Variants in DPP10 observed in about 807,000 individuals in gnomAD.
DPP10 encodes the protein dipeptidyl peptidase like 10, also known as inactive dipeptidyl peptidase 10.
In DPP10, 33 loss-of-function variants were observed where a neutral mutation model predicts 120.9. The observed-to-expected ratio is 0.27, with a 90% CI of 0.21 to 0.37. DPP10 has a LOEUF of 0.37. DPP10 is among the 10% of genes least tolerant of loss of function. The pLI is 1.00. For missense variants in DPP10, 816 were observed against 942.8 expected, an observed-to-expected ratio of 0.87 and a Z score of 1.76; for synonymous variants, 337 against 326.1, an observed-to-expected ratio of 1.03 and a Z score of -0.36.
At chr2:114,563,395 C>T (rs952467401) in intron 1 of DPP10, among the ~76,000 whole-genome samples, 21 of 151,590 alleles carry the variant, frequency 1.4e-4, no homozygotes, top group Non-Finnish European at 2.9e-4. Flanking sequence ...AATTCCAAAA[C>T]TTTCAGTGAA....
At chr2:115,318,551 A>G (rs184003181) in intron 2 of DPP10, among the ~76,000 whole-genome samples, 7 of 152,210 alleles carry the variant, frequency 4.6e-5, no homozygotes, top group South Asian at 4.1e-4. Context: ...CCAACTCATA[A>G]ATATGGAATG....
chr2:115,359,443 G>A (rs2064624092), intron 3 of DPP10, among the ~76,000 whole-genome samples: 1 of 152,074 alleles, frequency 6.6e-6, no homozygotes, highest in Non-Finnish European at 1.5e-5. Flanking sequence ...TATGAAAATA[G>A]ACCTACAATC....
chr2:115,804,264 C>G (rs1388264052), intron 19 of DPP10, among the ~76,000 whole-genome samples: 1 of 152,162 alleles, frequency 6.6e-6, no homozygotes, highest in African/African-American at 2.4e-5. Context: ...GTTCTCGTGC[C>G]TTGGTTTTCA....
chr2:114,530,151 A>G (rs1270898872), intron 1 of DPP10, among the ~76,000 whole-genome samples: 1 of 152,138 alleles, frequency 6.6e-6, no homozygotes, highest in African/African-American at 2.4e-5. Context: ...AACACCTTAT[A>G]TCTTTGCTCC....
chr2:115,834,515 T>TC (rs1689251114), intron 21 of DPP10, among the ~76,000 whole-genome samples: 1 of 151,984 alleles, frequency 6.6e-6, no homozygotes, highest in Non-Finnish European at 1.5e-5. Context: ...TTTTTTTTTT[T>TC]CAGCATTACT....
At chr2:115,263,608 AG>A (rs35698944) in intron 1 of DPP10, among the ~76,000 whole-genome samples, 68,012 of 151,996 alleles carry the variant, frequency 0.45, 16,112 homozygotes, top group Non-Finnish European at 0.54. Context: ...AGGCTTTTCC[AG>A]GGATACATTT....
At chr2:115,321,066 G>T (rs1559417036) in intron 2 of DPP10, among the ~76,000 whole-genome samples, 1 of 152,180 alleles carries the variant, frequency 6.6e-6, no homozygotes, top group Non-Finnish European at 1.5e-5. Context: ...TTGGGAGGCT[G>T]AGGTGGGAGG....
At chr2:115,369,431 TC>T (rs1270713891) in intron 3 of DPP10, among the ~76,000 whole-genome samples, 1 of 152,100 alleles carries the variant, frequency 6.6e-6, no homozygotes, top group Non-Finnish European at 1.5e-5. Context: ...GCCTTATTTT[TC>T]CTTTGTAGTT....
intron 5 of DPP10, among the ~76,000 whole-genome samples, chr2:115,603,567 T>TTTA (rs1214150226): frequency 1.0e-5 from 1 of 95,886 alleles, no homozygotes; most frequent in African/African-American, 7.5e-5. Context: ...GTTGTTTTTT[T>TTTA]TTGTTTTTTT....
chr2:115,492,073 CAATA>C lies in DPP10; in HGVS notation c.272-7427_272-7424del, dbSNP rs1370381129. Among the ~76,000 whole-genome samples, 3 of 152,058 alleles carry C rather than the reference CAATA, an allele frequency of 2.0e-5. 1 individual carries two copies. In the East Asian group the frequency reaches 5.8e-4, roughly 30 times the overall value. On this transcript the variant is annotated intron_variant, in intron 3 of 25. Transcript: ENST00000410059. ...TTCTAAATAACGTCACAACAGCAAT[CAATA>C]AATAAATAAGTACATATATATATAT... is the stretch of plus-strand genomic sequence containing the variant.
chr2:115,654,692 A>G (rs890580667), intron 5 of DPP10, among the ~76,000 whole-genome samples: 2 of 151,860 alleles, frequency 1.3e-5, no homozygotes, highest in African/African-American at 4.8e-5. Flanking sequence ...TTTTTAAATG[A>G]ATTTCTTATA....
intron 1 of DPP10, chr2:115,065,703 A>C (rs959378842): frequency 6.6e-6 from 1 of 151,388 alleles, no homozygotes; most frequent in African/African-American, 2.4e-5. Flanking sequence ...CCTCTATCCT[A>C]CTTTGTTCTT....
chr2:115,158,198 G>A (rs956223787), intron 1 of DPP10, among the ~76,000 whole-genome samples: 3 of 152,128 alleles, frequency 2.0e-5, no homozygotes, highest in Non-Finnish European at 2.9e-5. Context: ...ACCTATGTAT[G>A]TATAGAACAA....
At chr2:115,405,015 T>C (rs1198446966) in intron 3 of DPP10, among the ~76,000 whole-genome samples, 4 of 152,236 alleles carry the variant, frequency 2.6e-5, no homozygotes, top group Admixed American at 6.5e-5. Flanking sequence ...CCCCTATAAC[T>C]CATGTACTCA....
rs1285635991 is a variant in DPP10, at chr2:115,151,686, C to A, written c.61-157553C>A. Among the ~76,000 whole-genome samples, 3 of 150,554 alleles carry A rather than the reference C, an allele frequency of 2.0e-5. No individual in the cohort carries two copies. In the East Asian group the frequency reaches 5.8e-4, roughly 29 times the overall value. ...CTTCCCAAAGTACTGGGATTACAGG[C>A]GTGAGCCACCGCGCCCAGTCAGTAT... On this transcript the variant is annotated intron_variant, in intron 1 of 25. Coordinates refer to ENST00000410059, the MANE Select transcript of DPP10 (RefSeq NM_020868.6).
rs142021954 is a variant in DPP10 at position 114,752,852 on chromosome 2, G to T, written c.60+310014G>T. 5.3e-5 allele frequency among the ~76,000 whole-genome samples: 8 copies of T among 152,344 alleles called. 1 individual carries two copies. Among genetic ancestry groups the T allele is most frequent in the African/African-American group, 1.9e-4 (8 of 41,576 alleles). ...AGGAAAGTAAAATCATAGGTTTGCT[G>T]ATGAAGCTGAAATGGGGAAATATGG... On this transcript the variant is annotated intron_variant, in intron 1 of 25. Transcript: ENST00000410059.
intron 1 of DPP10, among the ~76,000 whole-genome samples, chr2:114,708,867 G>A (rs1700846643): frequency 2.0e-5 from 3 of 151,994 alleles, no homozygotes; most frequent in Non-Finnish European, 2.9e-5. Context: ...GCGATTCTCC[G>A]GCCTCAGCCT....
At chr2:115,581,501 C>G (rs1390060087) in intron 5 of DPP10, among the ~76,000 whole-genome samples, 1 of 152,042 alleles carries the variant, frequency 6.6e-6, no homozygotes, top group Non-Finnish European at 1.5e-5. Context: ...TGATTTTTCA[C>G]CAACAATTTT....
intron 3 of DPP10, among the ~76,000 whole-genome samples, chr2:115,398,525 T>C (rs973772980): frequency 6.6e-6 from 1 of 152,098 alleles, no homozygotes; most frequent in Non-Finnish European, 1.5e-5. Flanking sequence ...AATGTGTTTT[T>C]CACATAGGGT....
Sources: gnomAD v4.1 joint callset for allele counts (sites outside exome capture counted in the v4.1 genomes callset) on GRCh38, gnomAD v4.1.1 for gene constraint, MANE v1.5 for transcripts, NCBI Gene and HGNC (gene_info 2026-07-23, HGNC 2026-07-21) for gene names.